Variants in GOLGA3 observed in about 807,000 individuals in gnomAD.
The protein encoded by GOLGA3 is golgin A3.
GOLGA3 carries 75 observed loss-of-function variants against 169.4 expected under a neutral mutation model. That is an observed-to-expected ratio of 0.44 (90% CI 0.37 to 0.54). The LOEUF is 0.54. Among genes scored for constraint, GOLGA3 ranks in the 20% least tolerant of loss-of-function variants. GOLGA3 has a pLI of 0.00. For missense variants in GOLGA3, 1,899 were observed against 1,930.0 expected (o/e 0.98, Z 0.30); for synonymous variants, 824 against 822.4 (o/e 1.00, Z -0.03).
chr12:132,787,116 G>A (rs899732569), intron 13 of GOLGA3, among the ~76,000 whole-genome samples: 2 of 152,024 alleles, frequency 1.3e-5, no homozygotes, highest in African/African-American at 4.8e-5. Context: ...ACCATGCCCA[G>A]CTAATTTTTG....
In GOLGA3 at chr12:132,825,636, A is replaced by G. The variant is rs766117361; in HGVS notation, c.-184+3167T>C. The G allele has an allele frequency of 3.9e-5, 28 of 726,048 alleles. No homozygotes were observed. The African/African-American group carries it at 4.4e-4, about 11-fold the overall frequency. The allele number at this position is 726,048 out of a possible 1,614,324, so 45.0% of individuals were successfully genotyped here. A position where few individuals can be genotyped will look rare whatever the true frequency, so the allele number is the denominator to read the frequency against. ...TCCAGCTGAAACATCTGTGAGCTTC[A>G]GTTCCAATGAGGGAGTCCAGGGAGT... On this transcript the variant is annotated intron_variant, in intron 1 of 23. Coordinates refer to ENST00000450791, the MANE Select transcript of GOLGA3 (RefSeq NM_001389683.1).
chr12:132,780,986 C>T (rs2045571318), intron 17 of GOLGA3, 72 bp from the exon 18 acceptor site: 1 of 1,074,786 alleles, frequency 9.3e-7, no homozygotes, highest in Admixed American at 1.7e-5. Context: ...CTACAGCAGG[C>T]AACGTGACAC....
chr12:132,780,780 A>T lies in GOLGA3; in HGVS notation c.3582+18T>A. ...AGCGTCCTCTGGAACGCCCTGTGAGACGGAAGGTGGCACGCACCTGCTCCT... is the reference window on the plus strand; with the variant it reads ...AGCGTCCTCTGGAACGCCCTGTGAGTCGGAAGGTGGCACGCACCTGCTCCT... On this transcript the variant is annotated intron_variant, in intron 18 of 23. Coordinates refer to ENST00000450791, the MANE Select transcript of GOLGA3 (RefSeq NM_001389683.1). 1 of 1,506,098 alleles carries T rather than the reference A, an allele frequency of 6.6e-7. No individual in the cohort carries two copies. The allele number at this position is 1,506,098 out of a possible 1,614,324, so 93.3% of individuals were successfully genotyped here.
At chr12:132,807,734 G>A (rs1022442052) in intron 5 of GOLGA3, among the ~76,000 whole-genome samples, 157 bp downstream of exon 5, 2 of 152,028 alleles carry the variant, frequency 1.3e-5, no homozygotes, top group South Asian at 2.1e-4. Context: ...CTCAGGCCAG[G>A]CCCTCTGCCT....
chr12:132,789,319 G>A (rs542353675), intron 12 of GOLGA3, 29 bp from the exon 13 acceptor site: 24 of 1,540,498 alleles, frequency 1.6e-5, no homozygotes, highest in East Asian at 6.8e-5. Flanking sequence ...GTGAGCGGAC[G>A]CTGGGCGGCG....
intron 18 of GOLGA3, among the ~76,000 whole-genome samples, chr12:132,778,525 C>G (rs547166875): frequency 2.6e-5 from 4 of 151,024 alleles, no homozygotes; most frequent in African/African-American, 7.3e-5. Context: ...GAGCCGAGAT[C>G]GCGCCACTGC....
At chr12:132,825,259 C>T (rs1950364214) in intron 1 of GOLGA3, among the ~76,000 whole-genome samples, 1 of 152,154 alleles carries the variant, frequency 6.6e-6, no homozygotes, top group Non-Finnish European at 1.5e-5. Flanking sequence ...CCTGCGCGTG[C>T]AGACCCTCCT....
chr12:132,800,826 G>A (rs573125354), intron 8 of GOLGA3, among the ~76,000 whole-genome samples: 1 of 152,266 alleles, frequency 6.6e-6, no homozygotes, highest in East Asian at 1.9e-4. Flanking sequence ...GGGCATGGTG[G>A]CAAATGTCTG....
At chr12:132,796,457 T>A (rs1473170783) in intron 10 of GOLGA3, 82 bp downstream of exon 10, 1 of 1,464,378 alleles carries the variant, frequency 6.8e-7, no homozygotes, top group African/African-American at 1.4e-5. Flanking sequence ...AGCAGAGGAC[T>A]GCTCGGTCTC....
At chr12:132,827,000 T>C (rs1443605673) in intron 1 of GOLGA3, among the ~76,000 whole-genome samples, 1 of 152,198 alleles carries the variant, frequency 6.6e-6, no homozygotes, top group Admixed American at 6.5e-5. Flanking sequence ...AGCTGTCACT[T>C]AGAACTGCGA....
chr12:132,783,119 C>T (rs943607938), intron 16 of GOLGA3, among the ~76,000 whole-genome samples: 1 of 151,876 alleles, frequency 6.6e-6, no homozygotes, highest in Non-Finnish European at 1.5e-5. Context: ...TCACTTGAAC[C>T]TGGGAAGTGG....
intron 1 of GOLGA3, among the ~76,000 whole-genome samples, chr12:132,823,045 A>G (rs1950281172): frequency 6.6e-6 from 1 of 152,248 alleles, no homozygotes; most frequent in Non-Finnish European, 1.5e-5. Flanking sequence ...ACTCAGATCC[A>G]GAGAAACAAA....
chr12:132,823,088 A>G (rs953139213), intron 1 of GOLGA3, among the ~76,000 whole-genome samples: 3 of 152,216 alleles, frequency 2.0e-5, no homozygotes, highest in African/African-American at 7.2e-5. Context: ...GGATGTGGTA[A>G]CTCTATACAG....
intron 23 of GOLGA3, 24 bp downstream of exon 23, chr12:132,774,133 G>A: frequency 6.4e-7 from 1 of 1,550,758 alleles, no homozygotes; most frequent in Non-Finnish European, 8.7e-7. Context: ...ACTAGCTGAA[G>A]TGCAGCACGG....
chr12:132,815,188 A>G (rs1593372126), intron 3 of GOLGA3, among the ~76,000 whole-genome samples: 1 of 152,280 alleles, frequency 6.6e-6, no homozygotes, highest in East Asian at 1.9e-4. Context: ...AAAGTGGTCC[A>G]GATGGCTAGA....
At position 132,783,617 on chromosome 12, in the gene GOLGA3, C is replaced by T. The variant is rs532528770; in HGVS notation, c.3267+547G>A. Among the ~76,000 whole-genome samples, 316 of 110,748 alleles carry T rather than the reference C, an allele frequency of 2.9e-3. 2 individuals carry two copies. The highest frequency in any genetic ancestry group is 0.018 in the Middle Eastern group (4 of 226). 72.7% of individuals were successfully genotyped at this position (110,748 alleles called of 152,430 possible). On this transcript the variant is annotated intron_variant, in intron 16 of 23. Transcript: ENST00000450791. ...TTTTTGAGACGGAGTCTCACTCTGT[C>T]GCCCAGCCTGGAGTGCAGTGGCGCG...
chr12:132,823,913 T>C (rs1950315212), intron 1 of GOLGA3, among the ~76,000 whole-genome samples: 1 of 151,722 alleles, frequency 6.6e-6, no homozygotes, highest in South Asian at 2.1e-4. Flanking sequence ...TGAAACCTCG[T>C]CTCTACTAAA....
intron 15 of GOLGA3, 69 bp from the exon 16 acceptor site, chr12:132,784,376 C>A: frequency 7.2e-7 from 1 of 1,389,326 alleles, no homozygotes; most frequent in Non-Finnish European, 9.9e-7. Flanking sequence ...TCCTGTGGTG[C>A]CGGCAGGCAT....
intron 17 of GOLGA3, 138 bp from the exon 18 acceptor site, chr12:132,781,052 T>C: frequency 1.5e-6 from 1 of 656,530 alleles, no homozygotes; most frequent in African/African-American, 2.0e-5. Context: ...TGCTGAAGAA[T>C]CTGTGACAAA....
Sources: allele counts gnomAD v4.1 joint callset (sites outside exome capture counted in the v4.1 genomes callset), GRCh38; gene constraint gnomAD v4.1.1; transcripts MANE v1.5; gene names NCBI Gene and HGNC (gene_info 2026-07-23, HGNC 2026-07-21).